The following SGCZ variants were observed in gnomAD, a reference collection of about 807,000 sequenced individuals.
SGCZ encodes sarcoglycan zeta.
A neutral mutation model predicts 41.3 loss-of-function variants in SGCZ; 40 were observed. That is an observed-to-expected ratio of 0.97 (90% CI 0.75 to 1.26). The LOEUF (loss-of-function observed/expected upper bound fraction) is 1.26, where lower values mean the gene tolerates loss of function less well. Ranked by LOEUF, SGCZ falls within the 50% of genes most tolerant of loss-of-function variation. The pLI, the probability that SGCZ is intolerant of heterozygous loss-of-function variation, is 0.00. For synonymous variants in SGCZ, 206 were observed against 137.5 expected, an observed-to-expected ratio of 1.50 and a Z score of -3.49; for missense variants, 552 against 369.8, an observed-to-expected ratio of 1.49 and a Z score of -4.04.
intron 3 of SGCZ, among the ~76,000 whole-genome samples, chr8:14,295,861 C>T (rs1292579254): frequency 1.3e-5 from 2 of 152,082 alleles, no homozygotes; most frequent in Admixed American, 1.3e-4. Context: ...GAGGGAACTG[C>T]ACAGAGAAAG....
chr8:14,841,188 G>A (rs151314409), intron 1 of SGCZ, among the ~76,000 whole-genome samples: 1 of 152,064 alleles, frequency 6.6e-6, no homozygotes, highest in African/African-American at 2.4e-5. Context: ...CCCAAAAGAT[G>A]TTAAAAACAG....
intron 1 of SGCZ, among the ~76,000 whole-genome samples, chr8:14,870,533 C>T (rs1804111035): frequency 6.6e-6 from 1 of 152,236 alleles, no homozygotes; most frequent in South Asian, 2.1e-4. Context: ...TGAGCAAAGA[C>T]TTCATGACTG....
intron 1 of SGCZ, among the ~76,000 whole-genome samples, chr8:15,094,187 T>G (rs1806252531): frequency 2.0e-5 from 3 of 152,002 alleles, no homozygotes; most frequent in Admixed American, 2.0e-4. Flanking sequence ...CAGGATGGCG[T>G]GGAGTGGTGT....
chr8:14,258,216 C>T (rs1799533311), intron 3 of SGCZ, among the ~76,000 whole-genome samples: 1 of 140,932 alleles, frequency 7.1e-6, no homozygotes, highest in African/African-American at 2.5e-5. Context: ...TTCTGTGTTT[C>T]CCCCATGTAT....
chr8:14,802,374 C>A (rs1438348446), intron 1 of SGCZ, among the ~76,000 whole-genome samples: 1 of 152,052 alleles, frequency 6.6e-6, no homozygotes, highest in Non-Finnish European at 1.5e-5. Flanking sequence ...AAAACAGCTG[C>A]CTGGATAATT....
intron 1 of SGCZ, among the ~76,000 whole-genome samples, chr8:14,565,344 G>C (rs1423198623): frequency 1.3e-5 from 2 of 151,770 alleles, no homozygotes; most frequent in African/African-American, 4.8e-5. Context: ...TTAGGCACAG[G>C]TTTACATTTG....
intron 1 of SGCZ, among the ~76,000 whole-genome samples, chr8:14,703,864 T>G (rs1809246930): frequency 6.6e-6 from 1 of 152,052 alleles, no homozygotes; most frequent in South Asian, 2.1e-4. Flanking sequence ...AGAAAATTGC[T>G]AATTTAATAA....
At chr8:14,146,202 G>T (rs954099455) in intron 5 of SGCZ, among the ~76,000 whole-genome samples, 2 of 152,088 alleles carry the variant, frequency 1.3e-5, no homozygotes, top group African/African-American at 4.8e-5. Context: ...AGCAGCCAGA[G>T]AAAATAAACA....
intron 1 of SGCZ, among the ~76,000 whole-genome samples, chr8:15,028,564 T>A (rs1585489031): frequency 6.6e-6 from 1 of 152,054 alleles, no homozygotes; most frequent in Non-Finnish European, 1.5e-5. Flanking sequence ...TAAGTTGAAG[T>A]CAGTTTCATA....
intron 1 of SGCZ, among the ~76,000 whole-genome samples, chr8:14,802,478 C>G (rs73664479): frequency 0.037 from 5,640 of 152,228 alleles, 346 homozygotes; most frequent in African/African-American, 0.13. Flanking sequence ...AGGGGATACT[C>G]CCATGGAGGA....
At chr8:14,882,483 G>C (rs1392429824) in intron 1 of SGCZ, among the ~76,000 whole-genome samples, 1 of 151,906 alleles carries the variant, frequency 6.6e-6, no homozygotes, top group Non-Finnish European at 1.5e-5. Context: ...AATATCGTTG[G>C]TACTGTATCT....
intron 2 of SGCZ, among the ~76,000 whole-genome samples, chr8:14,485,381 C>G (rs968753680): frequency 6.6e-6 from 1 of 152,092 alleles, no homozygotes; most frequent in African/African-American, 2.4e-5. Flanking sequence ...GGATTACAGG[C>G]GTGCGCCACT....
chr8:15,179,615 G>A (rs112623009), intron 1 of SGCZ, among the ~76,000 whole-genome samples: 9 of 152,094 alleles, frequency 5.9e-5, no homozygotes, highest in African/African-American at 2.2e-4. Context: ...ACAAAGCATG[G>A]TACACAGTCA....
chr8:14,235,040 C>A (rs1475524091), intron 4 of SGCZ, among the ~76,000 whole-genome samples: 1 of 152,128 alleles, frequency 6.6e-6, no homozygotes, highest in Non-Finnish European at 1.5e-5. Context: ...ATTCAATATA[C>A]AATTCCCTAC....
intron 1 of SGCZ, among the ~76,000 whole-genome samples, chr8:15,218,261 A>G (rs956516873): frequency 6.6e-6 from 1 of 152,204 alleles, no homozygotes; most frequent in Non-Finnish European, 1.5e-5. Flanking sequence ...GAGATGGAAG[A>G]GTTATTTAAA....
intron 2 of SGCZ, among the ~76,000 whole-genome samples, chr8:14,505,255 A>T (rs960990168): frequency 6.6e-6 from 1 of 152,156 alleles, no homozygotes; most frequent in Non-Finnish European, 1.5e-5. Context: ...TACACTTTGA[A>T]ATATGTGTAT....
At chr8:15,215,043 C>A (rs1801355043) in intron 1 of SGCZ, among the ~76,000 whole-genome samples, 1 of 152,150 alleles carries the variant, frequency 6.6e-6, no homozygotes, top group African/African-American at 2.4e-5. Context: ...TAGTTTGCAT[C>A]TTTTAACATT....
intron 1 of SGCZ, among the ~76,000 whole-genome samples, chr8:15,040,615 CT>C (rs1035423232): frequency 6.6e-6 from 1 of 152,100 alleles, no homozygotes; most frequent in Non-Finnish European, 1.5e-5. Flanking sequence ...GAGCAAAACT[CT>C]ATCTCAAAAC....
intron 3 of SGCZ, among the ~76,000 whole-genome samples, chr8:14,312,299 T>C (rs112361870): frequency 6.6e-6 from 1 of 152,292 alleles, no homozygotes; most frequent in Non-Finnish European, 1.5e-5. Context: ...ATATTTTTTG[T>C]GGTCTGCTCC....
Sources: gnomAD v4.1 joint callset for allele counts (sites outside exome capture counted in the v4.1 genomes callset) on GRCh38, gnomAD v4.1.1 for gene constraint, MANE v1.5 for transcripts, NCBI Gene and HGNC (gene_info 2026-07-23, HGNC 2026-07-21) for gene names.